Variants in RIMBP2 observed in about 807,000 individuals in gnomAD.
RIMBP2 encodes the protein RIMS binding protein 2, also known as RIMS-binding protein 2.
Under a neutral mutation model 118.6 loss-of-function variants are expected in RIMBP2, and 48 were observed. That is an observed-to-expected ratio of 0.40 (90% CI 0.32 to 0.51). RIMBP2 has a LOEUF of 0.51. Among genes scored for constraint, RIMBP2 ranks in the 20% least tolerant of loss-of-function variants. The pLI, the probability that RIMBP2 is intolerant of heterozygous loss-of-function variation, is 0.41. For missense variants in RIMBP2, 1,551 were observed against 1,768.3 expected (o/e 0.88, Z 2.20); for synonymous variants, 762 against 742.9 (o/e 1.03, Z -0.42).
rs750434478 is a variant in RIMBP2 at position 130,578,160 on chromosome 12, G to A, written c.-217+50162C>T. On this transcript the variant is annotated intron_variant, in intron 2 of 22. Transcript: ENST00000690449. The surrounding 1 kb of genome is among the most constrained non-coding windows in gnomAD (Gnocchi z 4.1). ...ATTCAGAGATTCCAGGAAAGTAAAG[G>A]TAGTGCAGGCTTGGAAGCTGATGAG... Among the ~76,000 whole-genome samples the A allele has an allele frequency of 2.0e-5, 3 of 152,184 alleles. No individual in the cohort carries two copies. Among genetic ancestry groups the A allele is most frequent in the Admixed American group, 6.5e-5 (1 of 15,276 alleles).
At chr12:130,571,068 G>A (rs141800999) in intron 2 of RIMBP2, among the ~76,000 whole-genome samples, 29 of 152,236 alleles carry the variant, frequency 1.9e-4, no homozygotes, top group African/African-American at 6.5e-4. Context: ...AACGTGCTGC[G>A]GTCATTGTTT....
At chr12:130,663,971 GA>G (rs1296199629) in intron 1 of RIMBP2, among the ~76,000 whole-genome samples, 4 of 151,682 alleles carry the variant, frequency 2.6e-5, no homozygotes, top group Non-Finnish European at 5.9e-5. Flanking sequence ...AGGACCTGAG[GA>G]GGGGAGATCT....
chr12:130,598,556 A>C (rs2059686667), intron 2 of RIMBP2, among the ~76,000 whole-genome samples: 1 of 152,054 alleles, frequency 6.6e-6, no homozygotes, highest in Non-Finnish European at 1.5e-5. Flanking sequence ...GTGAAACCCC[A>C]TCTCTACTAA....
chr12:130,634,231 AG>A (rs1342906227), intron 1 of RIMBP2, among the ~76,000 whole-genome samples: 4 of 152,054 alleles, frequency 2.6e-5, no homozygotes, highest in Non-Finnish European at 5.9e-5. Flanking sequence ...TATCCTTGGG[AG>A]CGGAGACGGG....
intron 4 of RIMBP2, among the ~76,000 whole-genome samples, chr12:130,492,829 T>G (rs2048767560): frequency 6.6e-6 from 1 of 152,162 alleles, no homozygotes; most frequent in Non-Finnish European, 1.5e-5. Flanking sequence ...AAATGTTAGA[T>G]TCAAAGGGAT....
At chr12:130,650,034 A>G (rs1468025942) in intron 1 of RIMBP2, among the ~76,000 whole-genome samples, 3 of 151,768 alleles carry the variant, frequency 2.0e-5, no homozygotes, top group Non-Finnish European at 2.9e-5. Flanking sequence ...AGCTGAAAAA[A>G]AAAAACCAAA....
intron 2 of RIMBP2, among the ~76,000 whole-genome samples, chr12:130,625,131 A>C (rs1352260244): frequency 6.6e-6 from 1 of 152,144 alleles, no homozygotes; most frequent in Admixed American, 6.5e-5. Flanking sequence ...CAGGGTAATT[A>C]GGATATTTAT....
intron 1 of RIMBP2, among the ~76,000 whole-genome samples, chr12:130,708,845 C>T (rs1017944200): frequency 6.6e-6 from 1 of 152,236 alleles, no homozygotes; most frequent in African/African-American, 2.4e-5. Context: ...TCCGCCCCAG[C>T]TTCTCTGGGA....
intron 1 of RIMBP2, among the ~76,000 whole-genome samples, chr12:130,661,392 A>T (rs1485336946): frequency 6.6e-6 from 1 of 152,206 alleles, no homozygotes. Context: ...TGGGAGTTAT[A>T]CAAAAAGGCT....
In RIMBP2 at chr12:130,400,593, C is replaced by T. The variant is rs147724415; in HGVS notation, c.3766-780G>A. ...CAAAATTGGCTGGCTCTGGGCAACA[C>T]GGAATCCTGTTTCTCTGTTTATATG... is the stretch of plus-strand genomic sequence containing the variant. On this transcript the variant is annotated intron_variant, in intron 21 of 22. Coordinates refer to ENST00000690449, the MANE Select transcript of RIMBP2 (RefSeq NM_001393629.1). Among the ~76,000 whole-genome samples the T allele has an allele frequency of 3.7e-4, 57 of 152,216 alleles. 1 individual carries two copies. Among genetic ancestry groups the T allele is most frequent in the Admixed American group, 3.1e-3 (48 of 15,296 alleles).
Position 130,441,990 on chromosome 12 carries a change from G to A in RIMBP2, c.1362C>T (p.Tyr454=). ...GCCTGAGATTGAAGAACTGGTACTT[G>A]TACCTGGCGGCCTTGACGATGTCGA... is the stretch of plus-strand genomic sequence containing the variant. ...EEFDIVKAAR[Y]KYQFFNLRPN... The change falls in exon 11 of 23, where the codon TAC becomes TAT. Residue 454 remains tyrosine, a synonymous_variant. Transcript: ENST00000690449. 1.2e-6 allele frequency: 2 copies of A among 1,614,184 alleles called. No individual in the cohort carries two copies. Among genetic ancestry groups the A allele is most frequent in the Non-Finnish European group, 1.7e-6 (2 of 1,180,052 alleles).
intron 2 of RIMBP2, among the ~76,000 whole-genome samples, chr12:130,532,653 G>A (rs1445371923): frequency 2.4e-5 from 3 of 125,036 alleles, no homozygotes; most frequent in Admixed American, 8.5e-5. Flanking sequence ...TGAGATGCAT[G>A]TGTTCAGCCT....
chr12:130,629,818 C>T (rs2061871459), intron 1 of RIMBP2, among the ~76,000 whole-genome samples: 1 of 152,062 alleles, frequency 6.6e-6, no homozygotes, highest in African/African-American at 2.4e-5. Context: ...GAGCTCACCA[C>T]TGACCTCCCC....
At chr12:130,512,259 G>C (rs1454260354) in intron 3 of RIMBP2, among the ~76,000 whole-genome samples, 1 of 152,132 alleles carries the variant, frequency 6.6e-6, no homozygotes. Flanking sequence ...CCTGGCCTCT[G>C]GCTGAGCACA....
Position 130,419,046 on chromosome 12 carries a change from C to T in RIMBP2, c.3238+3407G>A, listed in dbSNP as rs2076266093. 6.6e-6 allele frequency among the ~76,000 whole-genome samples: 1 copy of T among 152,210 alleles called. No homozygotes were observed. On this transcript the variant is annotated intron_variant, in intron 17 of 22. Transcript: ENST00000690449. This position sits in a 1 kb window ranked among gnomAD's most constrained non-coding sequence, Gnocchi z 4.3. The stretch of plus-strand genomic sequence containing the variant: ...TGAATAAAATCAGCGTATGCGGTGA[C>T]TCCACCGTATGTTCTTCCAGAGAGG...
chr12:130,563,961 C>T (rs1433527390), intron 2 of RIMBP2, among the ~76,000 whole-genome samples: 6 of 66,426 alleles, frequency 9.0e-5, no homozygotes, highest in Non-Finnish European at 1.3e-4. Context: ...TCTGCTGCTA[C>T]ATTTTCCCCT....
intron 1 of RIMBP2, among the ~76,000 whole-genome samples, chr12:130,678,534 T>C (rs984224702): frequency 3.3e-5 from 5 of 152,126 alleles, no homozygotes; most frequent in African/African-American, 4.8e-5. Flanking sequence ...TTTTTTCTTT[T>C]TGAGACAGAG....
At chr12:130,567,591 C>T (rs1045865336) in intron 2 of RIMBP2, among the ~76,000 whole-genome samples, 3 of 152,206 alleles carry the variant, frequency 2.0e-5, no homozygotes, top group Admixed American at 6.5e-5. Context: ...CCCCACATAA[C>T]TGGGCATCGG....
intron 1 of RIMBP2, among the ~76,000 whole-genome samples, chr12:130,638,624 C>G (rs950069796): frequency 6.6e-6 from 1 of 152,208 alleles, no homozygotes; most frequent in Admixed American, 6.5e-5. Context: ...GTATCTAATG[C>G]CTGATGATCT....
Sources: gnomAD v4.1 joint callset for allele counts (sites outside exome capture counted in the v4.1 genomes callset) on GRCh38, gnomAD v4.1.1 for gene constraint, Gnocchi (gnomAD v3.1) non-coding constraint, MANE v1.5 for transcripts, NCBI Gene and HGNC (gene_info 2026-07-23, HGNC 2026-07-21) for gene names.